The following PCGF6 variants were observed in gnomAD, a reference collection of about 807,000 sequenced individuals.
PCGF6 encodes polycomb group RING finger protein 6.
Under a neutral mutation model 45.5 loss-of-function variants are expected in PCGF6, and 24 were observed. The observed-to-expected ratio is 0.53, with a 90% CI of 0.38 to 0.74. The LOEUF is 0.74. Ranked by LOEUF, PCGF6 falls within the 30% of genes least tolerant of loss-of-function variation. PCGF6 has a pLI of 0.00. For missense variants in PCGF6, 356 were observed against 443.2 expected (o/e 0.80, Z 1.77); for synonymous variants, 152 against 162.1 (o/e 0.94, Z 0.47).
At chr10:103,304,710 C>G (rs949465106) in intron 9 of PCGF6, among the ~76,000 whole-genome samples, 7 of 145,560 alleles carry the variant, frequency 4.8e-5, no homozygotes, top group Non-Finnish European at 1.0e-4. Context: ...GGCTGGAGTT[C>G]AGTGGCCAAA....
chr10:103,335,860 G>A (rs907104705), intron 6 of PCGF6, among the ~76,000 whole-genome samples: 4 of 152,074 alleles, frequency 2.6e-5, no homozygotes, highest in Admixed American at 6.6e-5. Flanking sequence ...CCAGCTACTC[G>A]GGAGGCTGAG....
In PCGF6 at chr10:103,351,117, C is replaced by T. The variant is rs773625016; in HGVS notation, c.-51G>A. On this transcript the variant is annotated 5_prime_UTR_variant, in exon 1 of 10. Transcript: ENST00000369847. ...GAGGCGGCGGGAGAGCGCGGGAGTT[C>T]GGCCGGCCTCGGACGCCACCACTGC... 2.2e-6 allele frequency: 3 copies of T among 1,334,028 alleles called. No individual in the cohort carries two copies. The highest frequency in any genetic ancestry group is 3.0e-5 in the Admixed American group (1 of 32,880). 82.6% of individuals were successfully genotyped at this position (1,334,028 alleles called of 1,614,324 possible).
Position 103,339,804 on chromosome 10 carries a change from AAAAAAAACACACAC to A in PCGF6, c.782+5206_782+5219del, listed in dbSNP as rs1329556572. 9.3e-4 allele frequency among the ~76,000 whole-genome samples: 37 copies of A among 39,942 alleles called. No homozygotes were observed. In the South Asian group the frequency reaches 0.02, roughly 22 times the overall value. 26.2% of individuals were successfully genotyped at this position (39,942 alleles called of 152,430 possible). Reference sequence around the variant, plus strand: ...AAAAGCGAAATTCTGTCTGTCTCAAAAAAAAAACACACACACACACACACACACACACACACACA... The same window carrying A: ...AAAAGCGAAATTCTGTCTGTCTCAAAACACACACACACACACACACACACA... On this transcript the variant is annotated intron_variant, in intron 6 of 9. Transcript: ENST00000369847.
At chr10:103,315,817 T>C (rs934243653) in intron 8 of PCGF6, among the ~76,000 whole-genome samples, 5 of 152,096 alleles carry the variant, frequency 3.3e-5, no homozygotes, top group African/African-American at 1.2e-4. Flanking sequence ...GACTTTTATA[T>C]AGAATTCTCT....
intron 6 of PCGF6, among the ~76,000 whole-genome samples, chr10:103,338,860 C>T (rs772891758): frequency 1.3e-5 from 2 of 151,914 alleles, no homozygotes; most frequent in Admixed American, 6.6e-5. Context: ...AAGAGTGAAA[C>T]TCCGTCTCAA....
At chr10:103,349,357 CAA>C (rs1186976484) in intron 1 of PCGF6, among the ~76,000 whole-genome samples, 2 of 151,586 alleles carry the variant, frequency 1.3e-5, no homozygotes, top group African/African-American at 4.8e-5. Flanking sequence ...CCACCTTCTT[CAA>C]AACCTTAAAC....
At position 103,303,308 on chromosome 10, in the gene PCGF6, CAG is replaced by C. The variant is rs1358229848; in HGVS notation, c.*595_*596del. On this transcript the variant is annotated 3_prime_UTR_variant, in exon 10 of 10. Coordinates refer to ENST00000369847, the MANE Select transcript of PCGF6 (RefSeq NM_001011663.2). The stretch of plus-strand genomic sequence containing the variant: ...AATTTTATGGCACAGATCATAAACT[CAG>C]AGTCTCTTCACACATAATAACAATT... 1 of 152,366 alleles carries C rather than the reference CAG, an allele frequency of 6.6e-6. No homozygotes were observed. Among genetic ancestry groups the C allele is most frequent in the East Asian group, 1.9e-4 (1 of 5,198 alleles). 9.4% of individuals were successfully genotyped at this position (152,366 alleles called of 1,614,324 possible).
At chr10:103,309,199 G>C (rs973167921) in intron 9 of PCGF6, among the ~76,000 whole-genome samples, 52 of 152,046 alleles carry the variant, frequency 3.4e-4, no homozygotes, top group Non-Finnish European at 3.8e-4. Flanking sequence ...GATTTGGTGG[G>C]GGGGGGGCAT....
In PCGF6 at chr10:103,303,756, T is replaced by A. The variant is rs1237306121; in HGVS notation, c.*149A>T. ...GCATTCCATCGTTCCAAGTTGTACT[T>A]ATAAACGCTATAATTCTTGGTGCTA... On this transcript the variant is annotated 3_prime_UTR_variant, in exon 10 of 10. Transcript: ENST00000369847. 1.6e-6 allele frequency: 1 copy of A among 643,468 alleles called. No homozygotes were observed. Among genetic ancestry groups the A allele is most frequent in the East Asian group, 2.6e-5 (1 of 38,976 alleles). 39.9% of individuals were successfully genotyped at this position (643,468 alleles called of 1,614,324 possible). A position where few individuals can be genotyped will look rare whatever the true frequency, so the allele number is the denominator to read the frequency against.
chr10:103,321,058 C>G (rs1365858465), intron 8 of PCGF6, among the ~76,000 whole-genome samples: 1 of 152,142 alleles, frequency 6.6e-6, no homozygotes, highest in African/African-American at 2.4e-5. Context: ...TTTGATAATT[C>G]TAACATTTTG....
At chr10:103,345,188 A>G (rs756864870) in intron 5 of PCGF6, 56 bp from the exon 6 acceptor site, 1 of 1,247,678 alleles carries the variant, frequency 8.0e-7, no homozygotes, top group Non-Finnish European at 1.2e-6. Flanking sequence ...ATAAATTGAG[A>G]TCTTTGGAAA....
At chr10:103,336,959 T>A (rs2093259495) in intron 6 of PCGF6, among the ~76,000 whole-genome samples, 1 of 152,172 alleles carries the variant, frequency 6.6e-6, no homozygotes, top group South Asian at 2.1e-4. Flanking sequence ...AGTTTTGCCT[T>A]CTGGTATTGT....
At chr10:103,326,018 A>C (rs530729902) in intron 8 of PCGF6, among the ~76,000 whole-genome samples, 365 of 152,246 alleles carry the variant, frequency 2.4e-3, no homozygotes, top group African/African-American at 7.7e-3. Flanking sequence ...CAACAGAAAC[A>C]GACCCTGTCT....
chr10:103,336,935 T>C (rs938480425), intron 6 of PCGF6, among the ~76,000 whole-genome samples: 8 of 152,292 alleles, frequency 5.3e-5, no homozygotes, highest in African/African-American at 1.9e-4. Context: ...CTGTAACATA[T>C]ACCTAGAAGT....
chr10:103,319,660 T>C (rs72846190), intron 8 of PCGF6, among the ~76,000 whole-genome samples: 28,122 of 152,164 alleles, frequency 0.18, 3,300 homozygotes, highest in Admixed American at 0.28. Context: ...GTCTCATCTT[T>C]GTACTCCTAA....
intron 8 of PCGF6, among the ~76,000 whole-genome samples, chr10:103,320,897 A>G (rs550449299): frequency 6.6e-6 from 1 of 151,864 alleles, no homozygotes; most frequent in African/African-American, 2.4e-5. Flanking sequence ...TCAGCATAGC[A>G]GGCTCGTGAC....
chr10:103,346,831 T>C (rs2093301546), intron 5 of PCGF6, among the ~76,000 whole-genome samples: 1 of 152,160 alleles, frequency 6.6e-6, no homozygotes, highest in Non-Finnish European at 1.5e-5. Context: ...CCAAATCTAT[T>C]TCATGTCCAT....
Position 103,347,447 on chromosome 10 carries a change from C to A in PCGF6, c.561G>T (p.Leu187Phe). ...ACACTATGTCTTGTAACTGTCGGTC[C>A]AACCTAATAAAAGGAAAGGATGGAG... ...HQTQPLYNIR[L>F]DRQLQDIVYK... Residue 187 changes from leucine (L) to phenylalanine (F), a missense_variant, in exon 4 of 10, where the codon TTG becomes TTT. Leu to Phe is a conservative substitution (Grantham distance 22). This residue lies in a region of PCGF6 where 307 missense variants were observed against 350.1 expected (regional missense o/e 0.88). Transcript: ENST00000369847. 6.2e-7 allele frequency: 1 copy of A among 1,603,848 alleles called. No homozygotes were observed.
In PCGF6 at chr10:103,351,042, C is replaced by G; in HGVS notation, c.25G>C (p.Ala9Pro). 1 of 1,390,990 alleles carries G rather than the reference C, an allele frequency of 7.2e-7. No individual in the cohort carries two copies. The highest frequency in any genetic ancestry group is 9.3e-7 in the Non-Finnish European group (1 of 1,072,070). 86.2% of individuals were successfully genotyped at this position (1,390,990 alleles called of 1,614,324 possible). MEGVAVVT[A>P]GSVGAAKTEG... Reference sequence around the variant, plus strand: ...GTTTTGGCAGCGCCTACGCTGCCCGCCGTCACCACCGCGACCCCCTCCATG... The same window carrying G: ...GTTTTGGCAGCGCCTACGCTGCCCGGCGTCACCACCGCGACCCCCTCCATG... The change falls in exon 1 of 10, where the codon GCG (alanine) becomes CCG (proline). Residue 9 changes from alanine to proline, a missense_variant. Physicochemically the swap from Ala to Pro is conservative, Grantham distance 27 (BLOSUM62 -1). This residue lies in a region of PCGF6 where 307 missense variants were observed against 350.1 expected (regional missense o/e 0.88). Transcript: ENST00000369847.
Sources: gnomAD v4.1 joint callset for allele counts (sites outside exome capture counted in the v4.1 genomes callset) on GRCh38, gnomAD v4.1.1 for gene constraint, gnomAD v4.1.1 regional missense constraint, MANE v1.5 for transcripts, NCBI Gene and HGNC (gene_info 2026-07-23, HGNC 2026-07-21) for gene names.